The following PTPRG variants were observed in gnomAD, a reference collection of about 807,000 sequenced individuals.
PTPRG encodes protein tyrosine phosphatase receptor type G.
In PTPRG, 102 loss-of-function variants were observed where a neutral mutation model predicts 165.3. The ratio of observed to expected loss-of-function variants is 0.62; its 90% CI spans 0.53 to 0.73. The LOEUF is 0.73. Ranked by LOEUF, PTPRG falls within the 30% of genes least tolerant of loss-of-function variation. The pLI, the probability that PTPRG is intolerant of heterozygous loss-of-function variation, is 0.00. For missense variants in PTPRG, 1,866 were observed against 1,861.4 expected (o/e 1.00, Z -0.05); for synonymous variants, 675 against 669.5 (o/e 1.01, Z -0.13).
chr3:62,089,915 G>C (rs1223632295), intron 5 of PTPRG, among the ~76,000 whole-genome samples: 2 of 152,150 alleles, frequency 1.3e-5, no homozygotes, highest in East Asian at 3.8e-4. Flanking sequence ...CATTTTATTA[G>C]ACACATCAGG....
At chr3:61,982,548 C>T (rs1247356837) in intron 2 of PTPRG, among the ~76,000 whole-genome samples, 1 of 152,142 alleles carries the variant, frequency 6.6e-6, no homozygotes, top group East Asian at 1.9e-4. Flanking sequence ...ATGGTTTGCA[C>T]TCTAATAATG....
intron 5 of PTPRG, among the ~76,000 whole-genome samples, chr3:62,104,946 G>T (rs1481558524): frequency 1.3e-5 from 2 of 152,046 alleles, no homozygotes; most frequent in Non-Finnish European, 2.9e-5. Flanking sequence ...TTATATCTAG[G>T]TAATAGGATA....
At chr3:61,671,037 C>G (rs1243198486) in intron 1 of PTPRG, among the ~76,000 whole-genome samples, 3 of 151,130 alleles carry the variant, frequency 2.0e-5, no homozygotes, top group Non-Finnish European at 2.9e-5. Flanking sequence ...TCCAAGCTGT[C>G]ACAGAGTCCA....
At chr3:61,825,184 G>A (rs1469496287) in intron 2 of PTPRG, among the ~76,000 whole-genome samples, 1 of 152,174 alleles carries the variant, frequency 6.6e-6, no homozygotes, top group Non-Finnish European at 1.5e-5. Flanking sequence ...CAGGTTATTG[G>A]ACAGAATTCA....
At chr3:61,955,741 T>C (rs2040012780) in intron 2 of PTPRG, among the ~76,000 whole-genome samples, 1 of 152,322 alleles carries the variant, frequency 6.6e-6, no homozygotes, top group African/African-American at 2.4e-5. Context: ...ATTTATATTA[T>C]GTTTCAGTTC....
intron 5 of PTPRG, among the ~76,000 whole-genome samples, chr3:62,109,339 A>C (rs1378882775): frequency 6.6e-6 from 1 of 152,142 alleles, no homozygotes; most frequent in Non-Finnish European, 1.5e-5. Flanking sequence ...AGGTTTGTCA[A>C]AGATCAGATG....
At chr3:62,084,049 A>G (rs554243633) in intron 5 of PTPRG, among the ~76,000 whole-genome samples, 6 of 152,304 alleles carry the variant, frequency 3.9e-5, no homozygotes, top group South Asian at 2.1e-4. Context: ...GGAATCATAA[A>G]TGCATGATTC....
At chr3:61,613,373 T>C (rs535808620) in intron 1 of PTPRG, among the ~76,000 whole-genome samples, 43 of 152,240 alleles carry the variant, frequency 2.8e-4, no homozygotes, top group Non-Finnish European at 2.6e-4. Flanking sequence ...TAGGTATTAA[T>C]ATTCCCTTGT....
chr3:61,586,547 G>A (rs1432284347), intron 1 of PTPRG, among the ~76,000 whole-genome samples: 1 of 152,298 alleles, frequency 6.6e-6, no homozygotes, highest in South Asian at 2.1e-4. Flanking sequence ...AGTTTCTAAA[G>A]TTATCTTGTC....
intron 2 of PTPRG, among the ~76,000 whole-genome samples, chr3:61,785,055 A>C (rs2034653662): frequency 6.6e-6 from 1 of 152,200 alleles, no homozygotes; most frequent in Admixed American, 6.5e-5. Context: ...ATAAATAGCT[A>C]AGGGAAAAAA....
intron 5 of PTPRG, among the ~76,000 whole-genome samples, chr3:62,083,786 G>A (rs1701657696): frequency 6.6e-6 from 1 of 152,166 alleles, no homozygotes; most frequent in Non-Finnish European, 1.5e-5. Context: ...ACCATTAAAT[G>A]CTTTCATCTA....
At chr3:62,018,140 A>G (rs1178996456) in intron 4 of PTPRG, among the ~76,000 whole-genome samples, 1 of 152,190 alleles carries the variant, frequency 6.6e-6, no homozygotes, top group African/African-American at 2.4e-5. Context: ...TTCATAGTGA[A>G]CAAGACAAGC....
At chr3:62,005,128 C>T (rs2041264915) in intron 4 of PTPRG, among the ~76,000 whole-genome samples, 1 of 152,178 alleles carries the variant, frequency 6.6e-6, no homozygotes, top group Non-Finnish European at 1.5e-5. Flanking sequence ...GAAAATGCTT[C>T]ATGTTTTTTC....
chr3:62,231,951 C>G (rs1035592463), intron 14 of PTPRG, among the ~76,000 whole-genome samples: 2 of 152,040 alleles, frequency 1.3e-5, no homozygotes, highest in African/African-American at 2.4e-5. Flanking sequence ...AATCACCACA[C>G]TTGAGTCTCT....
intron 1 of PTPRG, among the ~76,000 whole-genome samples, chr3:61,739,527 A>C (rs1172269424): frequency 6.6e-6 from 1 of 152,212 alleles, no homozygotes; most frequent in Non-Finnish European, 1.5e-5. Context: ...AATTTTGTGA[A>C]GTATAGTTGT....
intron 2 of PTPRG, among the ~76,000 whole-genome samples, chr3:61,776,690 T>C (rs996684560): frequency 2.0e-5 from 3 of 151,840 alleles, no homozygotes; most frequent in East Asian, 1.9e-4. Context: ...TGTAGCCTTA[T>C]ATTTTGCCAC....
chr3:61,817,011 ATATATAC>A (rs1253042381), intron 2 of PTPRG, among the ~76,000 whole-genome samples: 7 of 109,724 alleles, frequency 6.4e-5, no homozygotes, highest in African/African-American at 1.4e-4. Flanking sequence ...TAATATAAAT[ATATATAC>A]TATATAATAT....
At chr3:61,976,086 A>C (rs1265875396) in intron 2 of PTPRG, among the ~76,000 whole-genome samples, 3 of 152,142 alleles carry the variant, frequency 2.0e-5, no homozygotes, top group Non-Finnish European at 4.4e-5. Flanking sequence ...GCTGGAAAAC[A>C]TTACTACATT....
chr3:62,199,270 T>C (rs1284609938), intron 10 of PTPRG, among the ~76,000 whole-genome samples: 4 of 151,666 alleles, frequency 2.6e-5, no homozygotes, highest in African/African-American at 9.7e-5. Context: ...TGCTACCTTA[T>C]TTGACCTGGG....
Sources: allele counts gnomAD v4.1 joint callset (sites outside exome capture counted in the v4.1 genomes callset), GRCh38; gene constraint gnomAD v4.1.1; transcripts MANE v1.5; gene names NCBI Gene and HGNC (gene_info 2026-07-23, HGNC 2026-07-21).